The following COL5A3 variants were observed in gnomAD, a reference collection of about 807,000 sequenced individuals.
COL5A3 encodes the protein collagen type V alpha 3 chain.
COL5A3 carries 172 observed loss-of-function variants against 250.0 expected under a neutral mutation model. That is an observed-to-expected ratio of 0.69 (90% CI 0.61 to 0.78). The LOEUF is 0.78. Ranked by LOEUF, COL5A3 falls within the 30% of genes least tolerant of loss-of-function variation. The pLI is 0.00. For missense variants in COL5A3, 2,340 were observed against 2,334.4 expected (o/e 1.00, Z -0.05); for synonymous variants, 937 against 900.4 (o/e 1.04, Z -0.73).
Position 9,978,914 on chromosome 19 carries a change from G to A in COL5A3, c.2941C>T (p.Pro981Ser). The stretch of plus-strand genomic sequence containing the variant: ...ACCGGGTCCCCAGGGCCCCCTTTGG[G>A]GCCGGGAAAGCCCCTGAGTCCAGCT... ...GPAGLRGFPG[P>S]KGGPGDPGPT... The change falls in exon 40 of 67, where the codon CCC (proline) becomes TCC (serine). Residue 981 changes from proline to serine, a missense_variant. By Grantham distance (74) the Pro-to-Ser change is moderately conservative. Coordinates refer to ENST00000264828, the MANE Select transcript of COL5A3 (RefSeq NM_015719.4). 3 of 1,493,692 alleles carry A rather than the reference G, an allele frequency of 2.0e-6. No individual in the cohort carries two copies. Among genetic ancestry groups the A allele is most frequent in the African/African-American group, 1.4e-5 (1 of 69,786 alleles). The allele number at this position is 1,493,692 out of a possible 1,614,324, so 92.5% of individuals were successfully genotyped here.
chr19:9,978,887 T>A lies in COL5A3; in HGVS notation c.2964+4A>T. On this transcript the variant is annotated splice_donor_region_variant and intron_variant, in intron 40 of 66. Coordinates refer to ENST00000264828, the MANE Select transcript of COL5A3 (RefSeq NM_015719.4). ...CATGCAGGAGGGTCTCCAAAGATAC[T>A]CACCGGGTCCCCAGGGCCCCCTTTG... The A allele has an allele frequency of 6.9e-7, 1 of 1,453,768 alleles. No homozygotes were observed. The highest frequency in any genetic ancestry group is 9.1e-7 in the Non-Finnish European group (1 of 1,101,368). 90.1% of individuals were successfully genotyped at this position (1,453,768 alleles called of 1,614,324 possible). A position where few individuals can be genotyped will look rare whatever the true frequency, so the allele number is the denominator to read the frequency against.
intron 64 of COL5A3, among the ~76,000 whole-genome samples, chr19:9,964,025 G>A (rs2086706610): frequency 6.6e-6 from 1 of 152,030 alleles, no homozygotes. Context: ...AATACAAAAT[G>A]AGCCAGGTGT....
intron 16 of COL5A3, among the ~76,000 whole-genome samples, chr19:9,995,124 T>C (rs1210883213): frequency 6.6e-6 from 1 of 152,116 alleles, no homozygotes; most frequent in African/African-American, 2.4e-5. Context: ...GCCAGGTTGA[T>C]CTCAAACTCC....
intron 65 of COL5A3, among the ~76,000 whole-genome samples, chr19:9,962,585 T>TA (rs2086688520): frequency 6.6e-6 from 1 of 152,124 alleles, no homozygotes; most frequent in Non-Finnish European, 1.5e-5. Context: ...ACACTGCCTC[T>TA]AAATTTCCAC....
Position 10,001,813 on chromosome 19 carries a change from G to A in COL5A3, c.918C>T (p.Val306=), listed in dbSNP as rs765667434. 16 of 1,613,986 alleles carry A rather than the reference G, an allele frequency of 9.9e-6. 1 individual carries two copies. Among genetic ancestry groups the A allele is most frequent in the South Asian group, 4.4e-5 (4 of 91,072 alleles). The part of the protein sequence containing the change: ...PNLPPTPTPL[V]VTSTVTTGLN... ...GTCCAGTAGTCACAGTGGAGGTGAC[G>A]ACCAAAGGCGTGGGGGTCGGAGGCA... is the stretch of plus-strand genomic sequence containing the variant. The change falls in exon 7 of 67, where the codon GTC becomes GTT. Residue 306 remains valine, a synonymous_variant. Coordinates refer to ENST00000264828, the MANE Select transcript of COL5A3 (RefSeq NM_015719.4).
intron 37 of COL5A3, 51 bp from the exon 38 acceptor site, chr19:9,979,468 AG>A: frequency 6.3e-7 from 1 of 1,589,720 alleles, no homozygotes; most frequent in Non-Finnish European, 8.6e-7. Flanking sequence ...GAAGGGATGG[AG>A]GAGCAGGAGA....
At chr19:9,974,960 C>T (rs4299262) in intron 45 of COL5A3, among the ~76,000 whole-genome samples, 29,879 of 152,034 alleles carry the variant, frequency 0.2, 3,113 homozygotes, top group South Asian at 0.32. Flanking sequence ...TGCAGTGGCG[C>T]AATCTCTGCT....
intron 27 of COL5A3, 69 bp from the exon 28 acceptor site, chr19:9,986,827 T>A (rs2087108027): frequency 6.4e-7 from 1 of 1,558,566 alleles, no homozygotes; most frequent in East Asian, 2.2e-5. Context: ...CTCAGTCCCC[T>A]GCTCTAAAGC....
chr19:10,004,346 A>G (rs977005375), intron 4 of COL5A3, among the ~76,000 whole-genome samples: 26 of 152,128 alleles, frequency 1.7e-4, no homozygotes, highest in African/African-American at 2.9e-4. Context: ...AAGAGAAGGA[A>G]AGATCCTATC....
Position 9,996,260 on chromosome 19 carries a change from G to C in COL5A3, c.1425C>G (p.Leu475=), listed in dbSNP as rs1559186. ...QAQAVLQQTQ[L]SMKGPPGPVG... is the part of the protein sequence containing the mutation. ...CTGGACCAGGGGGGCCTTTCATAGA[G>C]AGCTGGAAAGACAGAGGAGTCAGAG... The change falls in exon 14 of 67, where the codon CTC becomes CTG. Residue 475 remains leucine (L), a splice_region_variant and synonymous_variant. Transcript: ENST00000264828. 0.34 allele frequency: 531,392 copies of C among 1,566,794 alleles called. 93,475 individuals are homozygous for C. Among genetic ancestry groups the C allele is most frequent in the African/African-American group, 0.59 (42,621 of 72,816 alleles).
In COL5A3 at chr19:9,968,117, A is replaced by G; in HGVS notation, c.4315-38T>C. 6.4e-7 allele frequency: 1 copy of G among 1,560,962 alleles called. No individual in the cohort carries two copies. The highest frequency in any genetic ancestry group is 2.0e-5 in the Admixed American group (1 of 50,040). On this transcript the variant is annotated intron_variant, in intron 59 of 66. Coordinates refer to ENST00000264828, the MANE Select transcript of COL5A3 (RefSeq NM_015719.4). This position sits in a 1 kb window ranked among gnomAD's most constrained non-coding sequence, Gnocchi z 4.1. ...CATCGGGTCAGTATTGGTGGGGTACACCCTATTGCCCTGACACATCCCCCA... is the reference window on the plus strand; with the variant it reads ...CATCGGGTCAGTATTGGTGGGGTACGCCCTATTGCCCTGACACATCCCCCA...
At chr19:10,006,364 T>A in intron 1 of COL5A3, 133 bp from the exon 2 acceptor site, 1 of 900,500 alleles carries the variant, frequency 1.1e-6, no homozygotes, top group Non-Finnish European at 1.6e-6. Context: ...TGTTTGTGGC[T>A]CAGGAAGAAG....
intron 6 of COL5A3, among the ~76,000 whole-genome samples, chr19:10,002,854 C>T (rs566258490): frequency 6.4e-4 from 97 of 152,260 alleles, no homozygotes; most frequent in Non-Finnish European, 1.2e-3. Flanking sequence ...CTGCGACCCC[C>T]TGAAAATCAC....
chr19:9,980,097 A>G, intron 35 of COL5A3, 50 bp from the exon 36 acceptor site: 2 of 1,520,832 alleles, frequency 1.3e-6, no homozygotes, highest in Non-Finnish European at 1.8e-6. Context: ...CTCCCTGCCC[A>G]CTCCCTGAGC....
At chr19:9,994,664 T>C (rs1055925875) in intron 16 of COL5A3, among the ~76,000 whole-genome samples, 2 of 142,776 alleles carry the variant, frequency 1.4e-5, no homozygotes, top group African/African-American at 5.2e-5. Flanking sequence ...AGTGGGCAAT[T>C]TTGTCATTGT....
At chr19:9,995,810 A>G in intron 15 of COL5A3, among the ~76,000 whole-genome samples, 193 bp from the exon 16 acceptor site, 1 of 152,070 alleles carries the variant, frequency 6.6e-6, no homozygotes, top group East Asian at 1.9e-4. Context: ...GCTTGGAAGG[A>G]CATATTTATT....
rs4044577 is a variant in COL5A3, at chr19:10,009,161, G to GGTGT, written c.88+1133_88+1136dup. 0.022 allele frequency among the ~76,000 whole-genome samples: 3,097 copies of GGTGT among 140,364 alleles called. 59 individuals are homozygous for GGTGT. The highest frequency in any genetic ancestry group is 0.047 in the African/African-American group (1,791 of 37,842). 92.1% of individuals were successfully genotyped at this position (140,364 alleles called of 152,430 possible). On this transcript the variant is annotated intron_variant, in intron 1 of 66. Coordinates refer to ENST00000264828, the MANE Select transcript of COL5A3 (RefSeq NM_015719.4). The surrounding 1 kb of genome is among the most constrained non-coding windows in gnomAD (Gnocchi z 4.4). ...GACTCCAAAGTAAGAAGTGTGCTGT[G>GGTGT]GTGTGTGTGTGTGTGTGTGTGTGTG...
At chr19:9,970,530 G>C (rs1171519507) in intron 54 of COL5A3, 92 bp downstream of exon 54, 3 of 747,670 alleles carry the variant, frequency 4.0e-6, no homozygotes, top group Middle Eastern at 7.9e-4. Context: ...GGGGTCTGTG[G>C]GGTGAGTTGA....
Position 9,968,414 on chromosome 19 carries a change from G to C in COL5A3, c.4285C>G (p.Gln1429Glu). 2 of 1,591,908 alleles carry C rather than the reference G, an allele frequency of 1.3e-6. No homozygotes were observed. The highest frequency in any genetic ancestry group is 1.7e-6 in the Non-Finnish European group (2 of 1,174,528). Reference sequence around the variant, plus strand: ...TCTCCCTTGGGACCAGGGGGTCCCTGCACGCCTGGCAACCCCTGATCTCCT... The same window carrying C: ...TCTCCCTTGGGACCAGGGGGTCCCTCCACGCCTGGCAACCCCTGATCTCCT... Reference protein sequence around the residue: ...EKGDQGLPGVQGPPGPKGDPG... With the variant: ...EKGDQGLPGVEGPPGPKGDPG... The change falls in exon 59 of 67, where the codon CAG becomes GAG. Residue 1429 changes from glutamine to glutamate, a missense_variant. Around this residue, in one of 3 missense-constraint regions of COL5A3, gnomAD observed 1,179 missense variants for 1,162.6 expected, o/e 1.01. Transcript: ENST00000264828. This position sits in a 1 kb window ranked among gnomAD's most constrained non-coding sequence, Gnocchi z 4.1.
Sources: allele counts gnomAD v4.1 joint callset (sites outside exome capture counted in the v4.1 genomes callset), GRCh38; gene constraint gnomAD v4.1.1; regional missense constraint gnomAD v4.1.1; non-coding constraint Gnocchi (gnomAD v3.1); transcripts MANE v1.5; gene names NCBI Gene and HGNC (gene_info 2026-07-23, HGNC 2026-07-21).